Variants in CACNA2D3 observed in about 807,000 individuals in gnomAD.
CACNA2D3 encodes calcium voltage-gated channel auxiliary subunit alpha2delta 3.
A neutral mutation model predicts 160.6 loss-of-function variants in CACNA2D3; 60 were observed. That is an observed-to-expected ratio of 0.37 (90% CI 0.30 to 0.46). The LOEUF (loss-of-function observed/expected upper bound fraction) is 0.46. CACNA2D3 is among the 20% of genes least tolerant of loss of function. CACNA2D3 has a pLI of 1.00. For missense variants in CACNA2D3, 1,205 were observed against 1,365.0 expected (o/e 0.88, Z 1.85); for synonymous variants, 558 against 492.9 (o/e 1.13, Z -1.75).
intron 27 of CACNA2D3, among the ~76,000 whole-genome samples, chr3:54,939,532 GC>G (rs1413143379): frequency 6.6e-6 from 1 of 152,230 alleles, no homozygotes. Context: ...AAAGAGGGCA[GC>G]CTGCTGTCTG....
intron 4 of CACNA2D3, among the ~76,000 whole-genome samples, chr3:54,481,185 T>C (rs1225233791): frequency 6.6e-6 from 1 of 152,186 alleles, no homozygotes; most frequent in Non-Finnish European, 1.5e-5. Context: ...TGCCTCTAGA[T>C]AATGAAACAG....
At chr3:54,997,473 G>C (rs531287103) in intron 31 of CACNA2D3, among the ~76,000 whole-genome samples, 6 of 152,096 alleles carry the variant, frequency 3.9e-5, no homozygotes, top group African/African-American at 1.4e-4. Context: ...AGGCCTAGGT[G>C]GGGGAAGTGC....
At chr3:54,307,377 G>A (rs1324489330) in intron 2 of CACNA2D3, among the ~76,000 whole-genome samples, 1 of 152,186 alleles carries the variant, frequency 6.6e-6, no homozygotes, top group Admixed American at 6.5e-5. Context: ...GTCACCTGCT[G>A]CAATCTCCTG....
At chr3:54,441,988 A>G (rs1466737160) in intron 4 of CACNA2D3, among the ~76,000 whole-genome samples, 1 of 152,178 alleles carries the variant, frequency 6.6e-6, no homozygotes, top group Non-Finnish European at 1.5e-5. Flanking sequence ...AACTTTTTTT[A>G]GAGATGGAGG....
chr3:54,204,614 G>A (rs550952857), intron 2 of CACNA2D3, among the ~76,000 whole-genome samples: 8 of 152,004 alleles, frequency 5.3e-5, no homozygotes, highest in Admixed American at 1.3e-4. Context: ...GGCTAACATG[G>A]TGAAACCCTG....
rs1007385813 is a variant in CACNA2D3, at chr3:54,504,084, G to GA, written c.544+431dup. ...TGCAGGCTGTAGTCTTCTGACCCCT[G>GA]ATGTGGTACCTTTGTTTTCTTCTTC... On this transcript the variant is annotated intron_variant, in intron 5 of 37. Coordinates refer to ENST00000474759, the MANE Select transcript of CACNA2D3 (RefSeq NM_018398.3). Among the ~76,000 whole-genome samples the GA allele has an allele frequency of 3.7e-4, 57 of 152,310 alleles. 1 individual carries two copies. The highest frequency in any genetic ancestry group is 1.3e-3 in the African/African-American group (56 of 41,562).
At chr3:55,044,161 G>C (rs1158169883) in intron 35 of CACNA2D3, among the ~76,000 whole-genome samples, 1 of 152,078 alleles carries the variant, frequency 6.6e-6, no homozygotes, top group African/African-American at 2.4e-5. Context: ...CTGGGATTTT[G>C]TTTGAAACTG....
chr3:54,603,472 C>T (rs1362798322), intron 9 of CACNA2D3, among the ~76,000 whole-genome samples: 1 of 152,198 alleles, frequency 6.6e-6, no homozygotes, highest in Non-Finnish European at 1.5e-5. Context: ...ACTCAACTTC[C>T]TTCCTCTGTG....
intron 27 of CACNA2D3, among the ~76,000 whole-genome samples, chr3:54,951,622 T>A (rs1453038482): frequency 1.3e-5 from 2 of 152,036 alleles, no homozygotes; most frequent in Non-Finnish European, 2.9e-5. Context: ...GGCGGCTGGC[T>A]CTGAGTCAGG....
chr3:54,352,641 C>T (rs1281281260), intron 3 of CACNA2D3, among the ~76,000 whole-genome samples: 1 of 152,208 alleles, frequency 6.6e-6, no homozygotes, highest in Non-Finnish European at 1.5e-5. Context: ...TGCTGGATGG[C>T]ACAAAGCCCC....
At chr3:54,721,257 T>G (rs1490381188) in intron 11 of CACNA2D3, among the ~76,000 whole-genome samples, 1 of 152,234 alleles carries the variant, frequency 6.6e-6, no homozygotes, top group Non-Finnish European at 1.5e-5. Flanking sequence ...ATTGTCATTT[T>G]AAATAGGAAA....
intron 2 of CACNA2D3, among the ~76,000 whole-genome samples, chr3:54,243,322 G>A (rs182985217): frequency 2.6e-4 from 39 of 152,364 alleles, no homozygotes; most frequent in Non-Finnish European, 5.0e-4. Flanking sequence ...AATGGAATGG[G>A]TGCCCTTGAT....
At chr3:54,774,085 G>C (rs1431488809) in intron 13 of CACNA2D3, among the ~76,000 whole-genome samples, 1 of 152,186 alleles carries the variant, frequency 6.6e-6, no homozygotes, top group Non-Finnish European at 1.5e-5. Flanking sequence ...TTGTTTACAA[G>C]TCACAGCTTC....
At chr3:54,584,085 TCTC>T (rs1448777353) in intron 9 of CACNA2D3, among the ~76,000 whole-genome samples, 1 of 151,846 alleles carries the variant, frequency 6.6e-6, no homozygotes. Context: ...CCTTGGCCCT[TCTC>T]CTACCGAGAA....
At chr3:54,950,242 A>G (rs977573854) in intron 27 of CACNA2D3, among the ~76,000 whole-genome samples, 7 of 152,214 alleles carry the variant, frequency 4.6e-5, no homozygotes, top group Admixed American at 4.6e-4. Flanking sequence ...TGTTTTGTCA[A>G]ATTTCTTAAA....
intron 2 of CACNA2D3, among the ~76,000 whole-genome samples, chr3:54,183,623 G>A (rs1480257340): frequency 6.6e-6 from 1 of 151,930 alleles, no homozygotes; most frequent in Non-Finnish European, 1.5e-5. Context: ...GGTAGCTCAC[G>A]CTTGTAATCC....
chr3:54,306,635 C>T (rs945030955), intron 2 of CACNA2D3, among the ~76,000 whole-genome samples: 2 of 152,188 alleles, frequency 1.3e-5, no homozygotes, highest in South Asian at 2.1e-4. Context: ...AGGTGGGCAT[C>T]TGTCCCTTAT....
At chr3:54,551,399 GTATAGGTGC>G (rs1164339859) in intron 5 of CACNA2D3, among the ~76,000 whole-genome samples, 1 of 152,182 alleles carries the variant, frequency 6.6e-6, no homozygotes, top group Non-Finnish European at 1.5e-5. Flanking sequence ...ACTATATCCA[GTATAGGTGC>G]TAAATGCTTT....
Position 54,392,264 on chromosome 3 carries a change from C to T in CACNA2D3, c.381+5490C>T, listed in dbSNP as rs116174785. On this transcript the variant is annotated intron_variant, in intron 4 of 37. Transcript: ENST00000474759. ...AATTCAGAATGCGTTCCCCCTCTTA[C>T]ATACTCTTTCTTTTTGAGTTTTTCC... is the stretch of plus-strand genomic sequence containing the variant. 6.6e-3 allele frequency among the ~76,000 whole-genome samples: 1,001 copies of T among 152,102 alleles called. 11 individuals carry two copies. Among genetic ancestry groups the T allele is most frequent in the African/African-American group, 0.022 (900 of 41,468 alleles).
Sources: gnomAD v4.1 joint callset for allele counts (sites outside exome capture counted in the v4.1 genomes callset) on GRCh38, gnomAD v4.1.1 for gene constraint, MANE v1.5 for transcripts, NCBI Gene and HGNC (gene_info 2026-07-23, HGNC 2026-07-21) for gene names.